NEDD4: variants seen among roughly 807,000 people sequenced by gnomAD.
NEDD4 encodes NEDD4 E3 ubiquitin protein ligase.
NEDD4 carries 99 observed loss-of-function variants against 144.9 expected under a neutral mutation model. The observed-to-expected ratio is 0.68, with a 90% CI of 0.58 to 0.81. The LOEUF (loss-of-function observed/expected upper bound fraction) is 0.81. Ranked by LOEUF, NEDD4 falls within the 30% of genes least tolerant of loss-of-function variation. NEDD4 has a pLI of 0.00. For synonymous variants in NEDD4, 318 were observed against 350.6 expected (o/e 0.91, Z 1.04); for missense variants, 985 against 1,065.9 (o/e 0.92, Z 1.06).
At position 55,850,816 on chromosome 15, in the gene NEDD4, C is replaced by T. The variant is rs549927463; in HGVS notation, c.1147-74G>A. On this transcript the variant is annotated intron_variant, in intron 13 of 28. Transcript: ENST00000435532. Reference sequence around the variant, plus strand: ...CAAATAGATGTAGTTAAAAAGGTAACTTAACCTGCAAATAGAATACACACC... The same window carrying T: ...CAAATAGATGTAGTTAAAAAGGTAATTTAACCTGCAAATAGAATACACACC... 1.3e-3 allele frequency: 1,768 copies of T among 1,341,478 alleles called. 14 individuals carry two copies. In the Middle Eastern group the frequency reaches 0.015, roughly 11 times the overall value. 83.1% of individuals were successfully genotyped at this position (1,341,478 alleles called of 1,614,324 possible).
intron 2 of NEDD4, among the ~76,000 whole-genome samples, chr15:55,959,387 A>G (rs1261210665): frequency 1.3e-5 from 2 of 152,208 alleles, no homozygotes; most frequent in African/African-American, 4.8e-5. Context: ...CAATCTTTTG[A>G]AAACCTCTGA....
At chr15:55,881,859 T>C (rs1305004566) in intron 5 of NEDD4, among the ~76,000 whole-genome samples, 1 of 152,146 alleles carries the variant, frequency 6.6e-6, no homozygotes, top group Non-Finnish European at 1.5e-5. Context: ...TTTTTTTTGT[T>C]GTGGGGGCTG....
At chr15:55,926,741 A>G (rs2036673768) in intron 4 of NEDD4, among the ~76,000 whole-genome samples, 2 of 151,686 alleles carry the variant, frequency 1.3e-5, no homozygotes, top group African/African-American at 4.8e-5. Flanking sequence ...ACTCCAGCCT[A>G]GATAACAGAG....
At chr15:55,978,323 A>G (rs2037738981) in intron 1 of NEDD4, among the ~76,000 whole-genome samples, 2 of 152,260 alleles carry the variant, frequency 1.3e-5, no homozygotes, top group African/African-American at 2.4e-5. Context: ...TTGATAAGCT[A>G]TACTGATTAA....
intron 5 of NEDD4, among the ~76,000 whole-genome samples, chr15:55,904,388 C>T (rs1367582726): frequency 1.3e-5 from 2 of 151,962 alleles, no homozygotes; most frequent in South Asian, 2.1e-4. Context: ...CTGCAACCTC[C>T]GCCTCCCAGG....
Position 55,864,708 on chromosome 15 carries a change from C to T in NEDD4, c.508-1629G>A, listed in dbSNP as rs1402209497. 4.1e-5 allele frequency among the ~76,000 whole-genome samples: 6 copies of T among 147,538 alleles called. No homozygotes were observed. The South Asian group carries it at 1.3e-3, about 31-fold the overall frequency. On this transcript the variant is annotated intron_variant, in intron 8 of 28. Transcript: ENST00000435532. ...ATAAGAAAAAAAAAAAAAAAAGATA[C>T]GAGGCAACTCTCAAGTTCAACAGAA...
intron 1 of NEDD4, among the ~76,000 whole-genome samples, chr15:55,982,500 C>T (rs1004280384): frequency 6.6e-6 from 1 of 152,076 alleles, no homozygotes. Flanking sequence ...CAAAAGAGTA[C>T]ATAATGTACA....
intron 1 of NEDD4, among the ~76,000 whole-genome samples, chr15:55,985,214 A>G (rs1304911148): frequency 2.0e-5 from 3 of 152,252 alleles, no homozygotes; most frequent in Admixed American, 6.5e-5. Context: ...AATTACCTAT[A>G]AAAGAAATTA....
In NEDD4 at chr15:55,949,133, G is replaced by A. The variant is rs562541558; in HGVS notation, c.237+2243C>T. On this transcript the variant is annotated intron_variant, in intron 4 of 28. Transcript: ENST00000435532. Reference sequence around the variant, plus strand: ...GAAAAAAACAACCCCATCAAGAAGCGGGCGAAGGATATGAACAGACACTTC... The same window carrying A: ...GAAAAAAACAACCCCATCAAGAAGCAGGCGAAGGATATGAACAGACACTTC... 3.3e-5 allele frequency among the ~76,000 whole-genome samples: 5 copies of A among 152,184 alleles called. No individual in the cohort carries two copies. In the East Asian group the frequency reaches 5.8e-4, roughly 18 times the overall value.
At position 55,944,631 on chromosome 15, in the gene NEDD4, C is replaced by A. The variant is rs2037075002; in HGVS notation, c.237+6745G>T. On this transcript the variant is annotated intron_variant, in intron 4 of 28. Coordinates refer to ENST00000435532, the MANE Select transcript of NEDD4 (RefSeq NM_006154.4). The stretch of plus-strand genomic sequence containing the variant: ...CCCTATCTGACAGCTCTGAAGAGAG[C>A]AGTGGTTCTCCCAGCATGGGATTTG... Among the ~76,000 whole-genome samples, 3 of 152,186 alleles carry A rather than the reference C, an allele frequency of 2.0e-5. No homozygotes were observed. In the South Asian group the frequency reaches 6.2e-4, roughly 31 times the overall value.
chr15:55,842,199 A>G, intron 18 of NEDD4, 36 bp from the exon 19 acceptor site: 1 of 1,536,602 alleles, frequency 6.5e-7, no homozygotes, highest in Non-Finnish European at 9.0e-7. Flanking sequence ...TGTTTAAATC[A>G]GTTCAACATA....
At chr15:55,988,474 TAAAAAAAAAAATTA>T (rs1233224016) in intron 1 of NEDD4, among the ~76,000 whole-genome samples, 970 of 37,688 alleles carry the variant, frequency 0.026, 7 homozygotes, top group African/African-American at 0.086. Flanking sequence ...TAGAGTATAA[TAAAAAAAAAAATTA>T]AAAAAAAAAA....
intron 5 of NEDD4, chr15:55,916,375 T>G (rs748609751): frequency 6.2e-7 from 1 of 1,613,974 alleles, no homozygotes; most frequent in African/African-American, 1.3e-5. Flanking sequence ...GTTGAAAAGT[T>G]ACTAAGGCTA....
chr15:55,957,363 T>C (rs2037354805), intron 2 of NEDD4, among the ~76,000 whole-genome samples: 1 of 152,226 alleles, frequency 6.6e-6, no homozygotes, highest in South Asian at 2.1e-4. Flanking sequence ...CTTTGCCTTA[T>C]TCCTGAGTTA....
At chr15:55,891,294 T>C (rs570262484) in intron 5 of NEDD4, among the ~76,000 whole-genome samples, 15 of 152,300 alleles carry the variant, frequency 9.8e-5, no homozygotes, top group African/African-American at 2.2e-4. Context: ...TCAATATGCA[T>C]AGTCTCAGAA....
chr15:55,881,750 C>G (rs1302814895), intron 5 of NEDD4, among the ~76,000 whole-genome samples: 2 of 152,074 alleles, frequency 1.3e-5, no homozygotes, highest in Non-Finnish European at 2.9e-5. Flanking sequence ...CCCTGCAGTG[C>G]TTAAAAAACA....
intron 5 of NEDD4, among the ~76,000 whole-genome samples, chr15:55,893,242 C>T (rs541976109): frequency 2.0e-5 from 3 of 152,154 alleles, no homozygotes; most frequent in African/African-American, 7.2e-5. Context: ...CAACTGTCTT[C>T]ACAGAGCTGT....
At chr15:55,841,717 G>A (rs113452880) in intron 19 of NEDD4, among the ~76,000 whole-genome samples, 60 of 152,028 alleles carry the variant, frequency 3.9e-4, no homozygotes, top group African/African-American at 5.5e-4. Context: ...GACTACAGGC[G>A]CCCGCCACCA....
chr15:55,909,874 G>A (rs915247143), intron 5 of NEDD4, among the ~76,000 whole-genome samples: 13 of 152,098 alleles, frequency 8.5e-5, no homozygotes, highest in Non-Finnish European at 1.3e-4. Flanking sequence ...ATTTTGTCTC[G>A]TCTTATTTTT....
Sources: gnomAD v4.1 joint callset for allele counts (sites outside exome capture counted in the v4.1 genomes callset) on GRCh38, gnomAD v4.1.1 for gene constraint, MANE v1.5 for transcripts, NCBI Gene and HGNC (gene_info 2026-07-23, HGNC 2026-07-21) for gene names.